Variants in NOC3L observed in about 807,000 individuals in gnomAD.
NOC3L encodes nucleolar complex protein 3 homolog.
NOC3L carries 85 observed loss-of-function variants against 102.5 expected under a neutral mutation model. The ratio of observed to expected loss-of-function variants is 0.83; its 90% CI spans 0.70 to 0.99. The LOEUF (loss-of-function observed/expected upper bound fraction) is 0.99. Among genes scored for constraint, NOC3L ranks in the 50% least tolerant of loss-of-function variants. The pLI is 0.00. For synonymous variants in NOC3L, 303 were observed against 309.4 expected (o/e 0.98, Z 0.22); for missense variants, 878 against 914.9 (o/e 0.96, Z 0.52).
Position 94,356,624 on chromosome 10 carries a change from TA to T in NOC3L, c.509-34del, listed in dbSNP as rs966978546. 1.4e-5 allele frequency: 18 copies of T among 1,259,858 alleles called. No homozygotes were observed. The African/African-American group carries it at 1.9e-4, about 13-fold the overall frequency. The allele number at this position is 1,259,858 out of a possible 1,614,324, so 78.0% of individuals were successfully genotyped here. A position where few individuals can be genotyped will look rare whatever the true frequency, so the allele number is the denominator to read the frequency against. On this transcript the variant is annotated intron_variant, in intron 4 of 20. Transcript: ENST00000371361. ...GAAAACATATGTATTAAAACTGTGA[TA>T]TATACTTAAGTGGTAAAAACTGTAA...
At chr10:94,327,510 A>G in the NOC3L span, among the ~76,000 whole-genome samples, 1 of 152,308 alleles carries the variant, frequency 6.6e-6, no homozygotes, top group East Asian at 1.9e-4. Context: ...TGGAGGCAGC[A>G]GTCCAGCCAG....
At chr10:94,315,181 AT>A in the NOC3L span, 1 of 303,760 alleles carries the variant, frequency 3.3e-6, no homozygotes, top group South Asian at 3.1e-5. Context: ...GCATTTCATC[AT>A]TTATAGACCA....
chr10:94,333,110 A>G (rs2054178241), downstream of NOC3L: 1 of 152,160 alleles, frequency 6.6e-6, no homozygotes, highest in Non-Finnish European at 1.5e-5. Context: ...ACTTCATGTG[A>G]AAAAAGAACT....
chr10:94,340,574 C>T (rs2133987401), intron 14 of NOC3L, 78 bp from the exon 15 acceptor site: 2 of 1,256,460 alleles, frequency 1.6e-6, no homozygotes, highest in Non-Finnish European at 2.3e-6. Context: ...TAAAAAAGAA[C>T]TTTAAGGCCA....
chr10:94,360,134 G>A (rs1000142307), intron 2 of NOC3L, among the ~76,000 whole-genome samples: 1 of 152,082 alleles, frequency 6.6e-6, no homozygotes, highest in African/African-American at 2.4e-5. Context: ...CAGCCAACAT[G>A]GTGAAACCCC....
chr10:94,333,089 T>C (rs2054177910), downstream of NOC3L: 1 of 152,182 alleles, frequency 6.6e-6, no homozygotes, highest in African/African-American at 2.4e-5. Context: ...AGGAATTTTC[T>C]ACTTTCGTTT....
intron 2 of NOC3L, among the ~76,000 whole-genome samples, chr10:94,359,640 G>A (rs943266568): frequency 6.6e-6 from 1 of 152,086 alleles, no homozygotes; most frequent in African/African-American, 2.4e-5. Context: ...ATGAAAAGGT[G>A]CTCAACATCA....
At chr10:94,322,833 G>A in the NOC3L span, among the ~76,000 whole-genome samples, 1 of 151,902 alleles carries the variant, frequency 6.6e-6, no homozygotes, top group Admixed American at 6.6e-5. Context: ...GCATGCACCT[G>A]TAGTCCCTGC....
intron 7 of NOC3L, 81 bp downstream of exon 7, chr10:94,352,815 C>G: frequency 2.4e-6 from 3 of 1,253,928 alleles, no homozygotes; most frequent in Non-Finnish European, 2.3e-6. Context: ...GAGTAAAACT[C>G]TGCCTCAAAA....
At chr10:94,354,841 CT>C in intron 6 of NOC3L, 121 bp downstream of exon 6, 2 of 912,500 alleles carry the variant, frequency 2.2e-6, no homozygotes, top group Non-Finnish European at 3.3e-6. Context: ...TCTAACCCAG[CT>C]ACTATGTTTA....
chr10:94,348,192 A>C (rs2054368558), intron 10 of NOC3L, among the ~76,000 whole-genome samples: 1 of 150,300 alleles, frequency 6.7e-6, no homozygotes, highest in Non-Finnish European at 1.5e-5. Context: ...AAACACAGAT[A>C]TTAAATCTGT....
At chr10:94,353,891 G>A (rs1018500120) in intron 6 of NOC3L, among the ~76,000 whole-genome samples, 1 of 152,168 alleles carries the variant, frequency 6.6e-6, no homozygotes, top group African/African-American at 2.4e-5. Context: ...GAGCTTCAAA[G>A]ATAATTTCTA....
chr10:94,337,033 C>T (rs2054227130), intron 19 of NOC3L, among the ~76,000 whole-genome samples: 1 of 148,440 alleles, frequency 6.7e-6, no homozygotes, highest in South Asian at 2.1e-4. Context: ...TGCGCCATTG[C>T]ACTCCAGCCT....
At position 94,337,882 on chromosome 10, in the gene NOC3L, G is replaced by A. The variant is rs760974615; in HGVS notation, c.2092-8C>T. 1.2e-6 allele frequency: 2 copies of A among 1,600,806 alleles called. No individual in the cohort carries two copies. Among genetic ancestry groups the A allele is most frequent in the Middle Eastern group, 1.7e-4 (1 of 6,036 alleles). The stretch of plus-strand genomic sequence containing the variant: ...TATGGGATGATAATGCCTCTGAAGG[G>A]AAAACGGGACAATCACATTCTGCAC... On this transcript the variant is annotated splice_polypyrimidine_tract_variant and splice_region_variant and intron_variant, in intron 18 of 20. Coordinates refer to ENST00000371361, the MANE Select transcript of NOC3L (RefSeq NM_022451.11).
Position 94,338,472 on chromosome 10 carries a change from C to T in NOC3L, c.2091+136G>A, listed in dbSNP as rs987379725. 2.4e-5 allele frequency: 22 copies of T among 911,902 alleles called. No homozygotes were observed. The East Asian group carries it at 6.0e-4, about 25-fold the overall frequency. 56.5% of individuals were successfully genotyped at this position (911,902 alleles called of 1,614,324 possible). On this transcript the variant is annotated intron_variant, in intron 18 of 20. Transcript: ENST00000371361. ...AGCAAAGTAAAATGTAGCATACTAA[C>T]ACAGGAATTCTAAAAAAGGCAGCCC... is the stretch of plus-strand genomic sequence containing the variant.
At chr10:94,359,820 A>G (rs1357043417) in intron 2 of NOC3L, among the ~76,000 whole-genome samples, 2 of 152,314 alleles carry the variant, frequency 1.3e-5, no homozygotes, top group South Asian at 2.1e-4. Flanking sequence ...CACTATGGAG[A>G]AAAGTTTGGA....
chr10:94,321,709 C>G, the NOC3L span, among the ~76,000 whole-genome samples: 152 of 151,112 alleles, frequency 1.0e-3, no homozygotes, highest in Middle Eastern at 3.5e-3. Flanking sequence ...ATCAGAAGCA[C>G]AGTAGTTTCC....
rs767356970 is a variant in NOC3L, at chr10:94,357,270, G to A, written c.412C>T (p.Pro138Ser). 6.2e-7 allele frequency: 1 copy of A among 1,607,276 alleles called. No individual in the cohort carries two copies. Among genetic ancestry groups the A allele is most frequent in the South Asian group, 1.1e-5 (1 of 89,642 alleles). Residue 138 changes from proline to serine, a missense_variant, in exon 4 of 21, where the codon CCA (proline) becomes TCA (serine). Transcript: ENST00000371361. ...TCTGGTGCAGTTTGCAGAGTTCTTG[G>A]TATTTTTTCATATTTATCTATAATG... ...ERIIDKYEKI[P>S]RTLQTAPEKE...
Position 94,341,726 on chromosome 10 carries a change from C to T in NOC3L, c.1591G>A (p.Val531Met), listed in dbSNP as rs2054288160. The change falls in exon 14 of 21, where the codon GTG (valine) becomes ATG (methionine). Residue 531 changes from valine to methionine, a missense_variant. By Grantham distance (21) the Val-to-Met change is conservative. Coordinates refer to ENST00000371361, the MANE Select transcript of NOC3L (RefSeq NM_022451.11). Reference protein sequence around the residue: ...GLAKFAHLINVEFFDDLLVVL... With the variant: ...GLAKFAHLINMEFFDDLLVVL... ...ACTAACAGATCATCAAAAAATTCCA[C>T]ATTTATAAGGTGAGCAAACCTGGAA... 1.3e-6 allele frequency: 2 copies of T among 1,567,136 alleles called. No homozygotes were observed. The highest frequency in any genetic ancestry group is 1.7e-6 in the Non-Finnish European group (2 of 1,154,664).
Sources: gnomAD v4.1 joint callset for allele counts (sites outside exome capture counted in the v4.1 genomes callset) on GRCh38, gnomAD v4.1.1 for gene constraint, MANE v1.5 for transcripts, NCBI Gene and HGNC (gene_info 2026-07-23, HGNC 2026-07-21) for gene names.